FAT3: variants seen among roughly 807,000 people sequenced by gnomAD.
FAT3 encodes protocadherin Fat 3.
A neutral mutation model predicts 310.2 loss-of-function variants in FAT3; 95 were observed. That is an observed-to-expected ratio of 0.31 (90% CI 0.26 to 0.36). The LOEUF (loss-of-function observed/expected upper bound fraction) is 0.36, where lower values mean the gene tolerates loss of function less well. Ranked by LOEUF, FAT3 falls within the 10% of genes least tolerant of loss-of-function variation. The pLI is 1.00. For missense variants in FAT3, 5,408 were observed against 5,715.6 expected (o/e 0.95, Z 1.74); for synonymous variants, 2,314 against 2,192.9 (o/e 1.06, Z -1.54).
chr11:92,844,781 T>C (rs1565645087), intron 19 of FAT3, 49 bp downstream of exon 19: 1 of 1,444,776 alleles, frequency 6.9e-7, no homozygotes. Context: ...ATTGTAGGAG[T>C]AGAATGAGTT....
At chr11:92,761,761 G>A in intron 4 of FAT3, 95 bp from the exon 5 acceptor site, 1 of 1,096,498 alleles carries the variant, frequency 9.1e-7, no homozygotes, top group Non-Finnish European at 1.3e-6. Context: ...GGATAGGATA[G>A]CATTGTCCGT....
Position 92,290,554 on chromosome 11 carries a change from C to T in FAT3, c.-17-61542C>T, listed in dbSNP as rs114194116. On this transcript the variant is annotated intron_variant, in intron 1 of 27. Transcript: ENST00000525166. ...GGTGGATCACCAGCGGTTAGGAGATCGAGACCACCCTTTCCAACATGGCGA... is the reference window on the plus strand; with the variant it reads ...GGTGGATCACCAGCGGTTAGGAGATTGAGACCACCCTTTCCAACATGGCGA... 7.8e-3 allele frequency among the ~76,000 whole-genome samples: 1,190 copies of T among 151,884 alleles called. 20 individuals are homozygous for T. The highest frequency in any genetic ancestry group is 0.026 in the African/African-American group (1,094 of 41,436).
At chr11:92,583,554 T>C (rs484431) in intron 3 of FAT3, among the ~76,000 whole-genome samples, 84,112 of 151,368 alleles carry the variant, frequency 0.56, 23,837 homozygotes, top group African/African-American at 0.66. Context: ...GGCCTCCTTG[T>C]CCCCCATTCT....
chr11:92,859,870 C>A (rs1949077986), intron 21 of FAT3, among the ~76,000 whole-genome samples: 1 of 152,148 alleles, frequency 6.6e-6, no homozygotes, highest in South Asian at 2.1e-4. Flanking sequence ...TCTATATTCA[C>A]CTCAAGGATT....
chr11:92,554,184 C>A (rs956970720), intron 3 of FAT3, among the ~76,000 whole-genome samples: 1 of 151,642 alleles, frequency 6.6e-6, no homozygotes, highest in Middle Eastern at 3.4e-3. Flanking sequence ...TGGAGGAGGC[C>A]GGGCGCAGTG....
chr11:92,556,666 A>G (rs918243742), intron 3 of FAT3, among the ~76,000 whole-genome samples: 3 of 152,170 alleles, frequency 2.0e-5, no homozygotes, highest in African/African-American at 7.2e-5. Flanking sequence ...TTTCATGAAC[A>G]TGCTTAAGTT....
chr11:92,701,145 A>G (rs907997875), intron 4 of FAT3, among the ~76,000 whole-genome samples: 1 of 152,110 alleles, frequency 6.6e-6, no homozygotes, highest in Non-Finnish European at 1.5e-5. Context: ...TTCTGGCTCT[A>G]TTTCATATCT....
At chr11:92,488,739 T>A (rs1452932198) in intron 2 of FAT3, among the ~76,000 whole-genome samples, 1 of 152,062 alleles carries the variant, frequency 6.6e-6, no homozygotes, top group Non-Finnish European at 1.5e-5. Flanking sequence ...TGTTATTTGC[T>A]CAGCAAAGCC....
intron 2 of FAT3, among the ~76,000 whole-genome samples, chr11:92,432,442 T>G (rs1950811003): frequency 6.6e-6 from 1 of 152,126 alleles, no homozygotes; most frequent in Non-Finnish European, 1.5e-5. Flanking sequence ...CAGATGGGGT[T>G]TTTGAGTGGT....
rs1032272163 is a variant in FAT3 at position 92,572,546 on chromosome 11, T to C, written c.3607+47598T>C. Among the ~76,000 whole-genome samples the C allele has an allele frequency of 2.6e-5, 4 of 152,172 alleles. 1 individual carries two copies. The highest frequency in any genetic ancestry group is 2.9e-5 in the Non-Finnish European group (2 of 68,018). Reference sequence around the variant, plus strand: ...AAAACTGTCAATATTGCAACCTTAATGATAGAGTGAAATGGAAGATCGCAT... The same window carrying C: ...AAAACTGTCAATATTGCAACCTTAACGATAGAGTGAAATGGAAGATCGCAT... On this transcript the variant is annotated intron_variant, in intron 3 of 27. Coordinates refer to ENST00000525166, the MANE Select transcript of FAT3 (RefSeq NM_001367949.2).
chr11:92,569,477 G>T (rs1164090431), intron 3 of FAT3, among the ~76,000 whole-genome samples: 1 of 152,126 alleles, frequency 6.6e-6, no homozygotes, highest in Non-Finnish European at 1.5e-5. Context: ...CAGAGGGAAG[G>T]AATGTTAACT....
intron 3 of FAT3, among the ~76,000 whole-genome samples, chr11:92,624,810 G>T (rs543051023): frequency 6.6e-6 from 1 of 152,188 alleles, no homozygotes; most frequent in Non-Finnish European, 1.5e-5. Flanking sequence ...CTGGAGGCCA[G>T]AATTCTGAAA....
chr11:92,306,726 T>C (rs1235576997), intron 1 of FAT3, among the ~76,000 whole-genome samples: 1 of 117,104 alleles, frequency 8.5e-6, no homozygotes, highest in African/African-American at 3.2e-5. Context: ...TTATATATTA[T>C]ATATATATTT....
At position 92,801,876 on chromosome 11, in the gene FAT3, G is replaced by C. The variant is rs771847867; in HGVS notation, c.8863G>C (p.Asp2955His). Residue 2955 changes from aspartate (D) to histidine (H), a missense_variant, in exon 10 of 28, where the codon GAC becomes CAC. Asp to His is a moderately conservative substitution (Grantham distance 81, BLOSUM62 -1). Coordinates refer to ENST00000525166, the MANE Select transcript of FAT3 (RefSeq NM_001367949.2). ...CAGCACCTGGGACAGAGACACATCC[G>C]ACGTTAATCGCCAAGTGAGCTACCA... ...VLSTWDRDTS[D>H]VNRQVSYHIT... is the part of the protein sequence containing the mutation. 2 of 1,613,890 alleles carry C rather than the reference G, an allele frequency of 1.2e-6. No homozygotes were observed. Among genetic ancestry groups the C allele is most frequent in the South Asian group, 2.2e-5 (2 of 91,078 alleles).
intron 1 of FAT3, among the ~76,000 whole-genome samples, chr11:92,249,728 A>G (rs901291114): frequency 2.0e-5 from 3 of 152,106 alleles, no homozygotes; most frequent in South Asian, 2.1e-4. Flanking sequence ...ATTTCAATAC[A>G]GTGCAAACAC....
At chr11:92,462,776 A>T (rs1591321846) in intron 2 of FAT3, among the ~76,000 whole-genome samples, 1 of 152,260 alleles carries the variant, frequency 6.6e-6, no homozygotes, top group South Asian at 2.1e-4. Flanking sequence ...TCCTTTGTTG[A>T]TGTGTTTTAG....
At chr11:92,864,249 T>C (rs745627768) in intron 21 of FAT3, among the ~76,000 whole-genome samples, 1 of 149,658 alleles carries the variant, frequency 6.7e-6, no homozygotes, top group Non-Finnish European at 1.5e-5. Flanking sequence ...ATTGAACATC[T>C]TTTTACAAAA....
At position 92,619,854 on chromosome 11, in the gene FAT3, C is replaced by T. The variant is rs371823852; in HGVS notation, c.3608-77530C>T. Among the ~76,000 whole-genome samples, 3 of 151,822 alleles carry T rather than the reference C, an allele frequency of 2.0e-5. No homozygotes were observed. In the East Asian group the frequency reaches 5.8e-4, roughly 29 times the overall value. On this transcript the variant is annotated intron_variant, in intron 3 of 27. Coordinates refer to ENST00000525166, the MANE Select transcript of FAT3 (RefSeq NM_001367949.2). ...TTTTTTCTATTTCATTGATTTCCACCACCACCTTTCTTCTACTTGCTTTAG... is the reference window on the plus strand; with the variant it reads ...TTTTTTCTATTTCATTGATTTCCACTACCACCTTTCTTCTACTTGCTTTAG...
chr11:92,234,969 G>C (rs1864358209), intron 1 of FAT3, among the ~76,000 whole-genome samples: 1 of 151,478 alleles, frequency 6.6e-6, no homozygotes, highest in Admixed American at 6.6e-5. Context: ...TACTTGGGAA[G>C]CTGAGGCAGG....
Sources: allele counts gnomAD v4.1 joint callset (sites outside exome capture counted in the v4.1 genomes callset), GRCh38; gene constraint gnomAD v4.1.1; transcripts MANE v1.5; gene names NCBI Gene and HGNC (gene_info 2026-07-23, HGNC 2026-07-21).